The following NCOR2 variants were observed in gnomAD, a reference collection of about 807,000 sequenced individuals.
NCOR2 encodes nuclear receptor corepressor 2, also known as CTG repeat protein 26.
A neutral mutation model predicts 262.9 loss-of-function variants in NCOR2; 81 were observed. The ratio of observed to expected loss-of-function variants is 0.31; its 90% CI spans 0.26 to 0.37. The LOEUF (loss-of-function observed/expected upper bound fraction) is 0.37. Among genes scored for constraint, NCOR2 ranks in the 10% least tolerant of loss-of-function variants. The probability of loss-of-function intolerance (pLI) is 1.00; values close to 1 mark genes in which losing one functional copy is unlikely to be tolerated. For synonymous variants in NCOR2, 1,659 were observed against 1,559.3 expected, an observed-to-expected ratio of 1.06 and a Z score of -1.51; for missense variants, 3,385 against 3,621.4, an observed-to-expected ratio of 0.93 and a Z score of 1.68.
intron 3 of NCOR2, among the ~76,000 whole-genome samples, chr12:124,480,480 G>A (rs1020989322): frequency 6.6e-6 from 1 of 152,234 alleles, no homozygotes; most frequent in Non-Finnish European, 1.5e-5. Context: ...AAGCTGGAGA[G>A]AGAACAAGCC....
In NCOR2 at chr12:124,335,773, G is replaced by A. The variant is rs2035824418; in HGVS notation, c.6116-141C>T. The A allele has an allele frequency of 2.9e-5, 27 of 941,890 alleles. No individual in the cohort carries two copies. In the East Asian group the frequency reaches 5.8e-4, roughly 20 times the overall value. The allele number at this position is 941,890 out of a possible 1,614,324, so 58.3% of individuals were successfully genotyped here. On this transcript the variant is annotated intron_variant, in intron 38 of 46. Transcript: ENST00000405201. ...TAGGGGTAGGGTTTGGGCTCCCAAA[G>A]ACAGTAAGGCAGAGAGGGGTGTTGG...
chr12:124,429,530 G>T, intron 10 of NCOR2, 83 bp downstream of exon 12: 3 of 1,430,188 alleles, frequency 2.1e-6, no homozygotes, highest in Non-Finnish European at 2.9e-6. Context: ...CACCCGGGAG[G>T]TGGTTTCTGG....
At chr12:124,433,873 C>A (rs866605398) in intron 8 of NCOR2, among the ~76,000 whole-genome samples, 12 of 96,348 alleles carry the variant, frequency 1.2e-4, no homozygotes, top group East Asian at 8.7e-4. Flanking sequence ...CACACACACA[C>A]ACACACACAC....
At chr12:124,370,145 G>C (rs1052979631) in intron 20 of NCOR2, among the ~76,000 whole-genome samples, 7 of 152,218 alleles carry the variant, frequency 4.6e-5, no homozygotes, top group Non-Finnish European at 5.9e-5. Flanking sequence ...CCTGCCTCCA[G>C]GGCAGACCCA....
chr12:124,461,498 G>A (rs2046160249), intron 5 of NCOR2, among the ~76,000 whole-genome samples: 1 of 152,238 alleles, frequency 6.6e-6, no homozygotes, highest in Non-Finnish European at 1.5e-5. Context: ...AGCTGTGCTG[G>A]GGCACACAAG....
chr12:124,438,554 C>CG (rs1565944373), intron 7 of NCOR2, among the ~76,000 whole-genome samples: 6 of 151,670 alleles, frequency 4.0e-5, no homozygotes, highest in African/African-American at 1.5e-4. Flanking sequence ...CAGGAAACCC[C>CG]CGGGCGGGGG....
intron 1 of NCOR2, chr12:124,529,939 T>C (rs2050695429): frequency 6.6e-6 from 1 of 151,370 alleles, no homozygotes; most frequent in Non-Finnish European, 1.5e-5. Flanking sequence ...ACATTTACCA[T>C]GTGACCTAGC....
chr12:124,346,784 C>G (rs372172146), exon 31 of NCOR2: 37 of 1,563,504 alleles, frequency 2.4e-5, no homozygotes, highest in Non-Finnish European at 3.1e-5. Context: ...CGTGCCCTCC[C>G]GCTTTAGGAG....
rs551006195 is a variant in NCOR2, at chr12:124,376,497, C to T, written c.2167+1740G>A. Among the ~76,000 whole-genome samples, 5 of 152,312 alleles carry T rather than the reference C, an allele frequency of 3.3e-5. No individual in the cohort carries two copies. In the South Asian group the frequency reaches 6.2e-4, roughly 19 times the overall value. On this transcript the variant is annotated intron_variant, in intron 18 of 46. Coordinates refer to ENST00000405201, the Ensembl canonical transcript of NCOR2. The stretch of plus-strand genomic sequence containing the variant: ...TACAGACCCAGGACCCAAAATGGGA[C>T]GACCCAAGGGACTCGTGGCCCAGGC...
At chr12:124,340,409 C>G (rs370212615) in exon 36 of NCOR2, 2 of 1,612,906 alleles carry the variant, frequency 1.2e-6, no homozygotes, top group African/African-American at 2.7e-5. Flanking sequence ...CGGACGAGGA[C>G]GTGGTGGTTG....
chr12:124,356,714 C>G, exon 23 of NCOR2: 1 of 1,494,810 alleles, frequency 6.7e-7, no homozygotes, highest in Non-Finnish European at 8.8e-7. Flanking sequence ...CGGGGGGGCA[C>G]GGGGAAGGGC....
At chr12:124,334,961 C>G (rs2035750504) in intron 40 of NCOR2, 174 bp downstream of exon 42, 2 of 940,070 alleles carry the variant, frequency 2.1e-6, no homozygotes, top group Non-Finnish European at 3.2e-6. Context: ...GGTGCCGGTG[C>G]TCGGGGCTTT....
At chr12:124,385,417 C>T (rs890679689) in intron 17 of NCOR2, among the ~76,000 whole-genome samples, 9 of 152,200 alleles carry the variant, frequency 5.9e-5, no homozygotes, top group African/African-American at 1.9e-4. Flanking sequence ...CTGAGTCAGT[C>T]TGGTCCACCG....
At chr12:124,526,130 G>A (rs562864406) in intron 1 of NCOR2, among the ~76,000 whole-genome samples, 1 of 152,300 alleles carries the variant, frequency 6.6e-6, no homozygotes, top group East Asian at 1.9e-4. Flanking sequence ...ATTATTCAAT[G>A]TGAGTGTTCC....
intron 13 of NCOR2, among the ~76,000 whole-genome samples, chr12:124,412,802 T>A (rs1328365326): frequency 1.3e-5 from 2 of 152,066 alleles, no homozygotes; most frequent in Non-Finnish European, 2.9e-5. Flanking sequence ...TATTGTGGGG[T>A]GAGGGGTGCG....
At chr12:124,507,093 G>T (rs1240364573) in intron 1 of NCOR2, among the ~76,000 whole-genome samples, 1 of 152,208 alleles carries the variant, frequency 6.6e-6, no homozygotes, top group East Asian at 1.9e-4. Flanking sequence ...ACAGAAGCCA[G>T]CCACAAAAGG....
chr12:124,401,993 C>T (rs533521410), intron 14 of NCOR2, among the ~76,000 whole-genome samples: 3 of 152,316 alleles, frequency 2.0e-5, no homozygotes, highest in South Asian at 2.1e-4. Context: ...TGACAGCAGC[C>T]GCCTGCACAC....
rs571616070 is a variant in NCOR2, at chr12:124,354,631, C to A, written c.3485-49G>T. 2.7e-6 allele frequency: 4 copies of A among 1,457,360 alleles called. No homozygotes were observed. The East Asian group carries it at 7.4e-5, about 27-fold the overall frequency. The allele number at this position is 1,457,360 out of a possible 1,614,324, so 90.3% of individuals were successfully genotyped here. On this transcript the variant is annotated intron_variant, in intron 25 of 46. Transcript: ENST00000405201. ...GTCACGTGCTGCCGGAGCAGGGTCCCGGGAGGCTTGTCCCCACCCAACCTG... is the reference window on the plus strand; with the variant it reads ...GTCACGTGCTGCCGGAGCAGGGTCCAGGGAGGCTTGTCCCCACCCAACCTG...
At position 124,348,278 on chromosome 12, in the gene NCOR2, C is replaced by T. The variant is rs758644470; in HGVS notation, c.3881G>A (p.Gly1294Asp). The T allele has an allele frequency of 1.9e-6, 3 of 1,612,800 alleles. No individual in the cohort carries two copies. The highest frequency in any genetic ancestry group is 1.7e-5 in the Admixed American group (1 of 59,912). Residue 1294 changes from glycine (G) to aspartate (D), a missense_variant, in exon 29 of 47, where the codon GGC (glycine) becomes GAC (aspartate). By Grantham distance (94) the Gly-to-Asp change is moderately conservative. This residue lies in a region of NCOR2 where 1,615 missense variants were observed against 1,626.9 expected (regional missense o/e 0.99). Transcript: ENST00000405201. ...ATGGGGGGGTCCTGAGCTGCTTCTG[C>T]CGTCCTCCTTGGAGCACTGGGTCAC...
Sources: gnomAD v4.1 joint callset for allele counts (sites outside exome capture counted in the v4.1 genomes callset) on GRCh38, gnomAD v4.1.1 for gene constraint, gnomAD v4.1.1 regional missense constraint, MANE v1.5 for transcripts, NCBI Gene and HGNC (gene_info 2026-07-23, HGNC 2026-07-21) for gene names.